XRCC4: variants seen among roughly 807,000 people sequenced by gnomAD.
XRCC4 encodes the protein DNA repair protein XRCC4.
XRCC4 carries 28 observed loss-of-function variants against 39.1 expected under a neutral mutation model. The observed-to-expected ratio is 0.72, with a 90% confidence interval of 0.53 to 0.98. The LOEUF (loss-of-function observed/expected upper bound fraction) is 0.98, where lower values mean the gene tolerates loss of function less well. Among genes scored for constraint, XRCC4 ranks in the 50% least tolerant of loss-of-function variants. The probability of loss-of-function intolerance (pLI) is 0.00; values close to 1 mark genes in which losing one functional copy is unlikely to be tolerated. For synonymous variants in XRCC4, 123 were observed against 126.4 expected, an observed-to-expected ratio of 0.97 and a Z score of 0.18; for missense variants, 350 against 376.4, an observed-to-expected ratio of 0.93 and a Z score of 0.58.
chr5:83,251,314 A>T (rs1353324740), intron 6 of XRCC4, among the ~76,000 whole-genome samples: 1 of 152,046 alleles, frequency 6.6e-6, no homozygotes, highest in Non-Finnish European at 1.5e-5. Context: ...TCACGACGTC[A>T]GCAGATCAAG....
intron 3 of XRCC4, among the ~76,000 whole-genome samples, chr5:83,140,118 A>G (rs1748094657): frequency 6.6e-6 from 1 of 152,228 alleles, no homozygotes; most frequent in Non-Finnish European, 1.5e-5. Flanking sequence ...CAGAACTAAT[A>G]GGATATATGT....
chr5:83,087,957 T>C (rs1745256696), intron 1 of XRCC4, among the ~76,000 whole-genome samples: 1 of 152,200 alleles, frequency 6.6e-6, no homozygotes, highest in Non-Finnish European at 1.5e-5. Flanking sequence ...TTTAATAATA[T>C]ACATTTCAAT....
At chr5:83,152,407 G>T (rs930101371) in intron 3 of XRCC4, among the ~76,000 whole-genome samples, 8 of 152,134 alleles carry the variant, frequency 5.3e-5, no homozygotes, top group Non-Finnish European at 1.0e-4. Flanking sequence ...GCCGAGGCGG[G>T]TGGATCACGA....
intron 7 of XRCC4, among the ~76,000 whole-genome samples, chr5:83,306,624 G>C (rs988838521): frequency 3.9e-5 from 6 of 152,206 alleles, no homozygotes; most frequent in Non-Finnish European, 7.3e-5. Context: ...ATTGTTGTTT[G>C]ATAATTTGCA....
intron 3 of XRCC4, among the ~76,000 whole-genome samples, chr5:83,181,431 A>T (rs970059602): frequency 6.6e-6 from 1 of 152,000 alleles, no homozygotes; most frequent in African/African-American, 2.4e-5. Flanking sequence ...CAGATGTATT[A>T]GTCTTCTCTC....
intron 3 of XRCC4, among the ~76,000 whole-genome samples, chr5:83,127,879 A>G (rs935671095): frequency 1.1e-5 from 1 of 88,544 alleles, no homozygotes; most frequent in Non-Finnish European, 2.3e-5. Context: ...TTCTAAGTTG[A>G]CTTTTTTTTT....
chr5:83,240,144 G>A lies in XRCC4; in HGVS notation c.746-18386G>A, dbSNP rs762038836. Among the ~76,000 whole-genome samples, 4 of 151,996 alleles carry A rather than the reference G, an allele frequency of 2.6e-5. No homozygotes were observed. The South Asian group carries it at 6.2e-4, about 24-fold the overall frequency. On this transcript the variant is annotated intron_variant, in intron 6 of 7. Transcript: ENST00000396027. Reference sequence around the variant, plus strand: ...AGCCATGATCTTGCCACTCCACTTCGGGCTGTGTGACAGAGTGAGACCCCG... The same window carrying A: ...AGCCATGATCTTGCCACTCCACTTCAGGCTGTGTGACAGAGTGAGACCCCG...
chr5:83,083,390 T>C (rs1054096466), intron 1 of XRCC4, among the ~76,000 whole-genome samples: 2 of 150,630 alleles, frequency 1.3e-5, no homozygotes, highest in Non-Finnish European at 3.0e-5. Context: ...TTTTTTTTTT[T>C]TTTTGAGATG....
At chr5:83,161,239 T>C (rs922018916) in intron 3 of XRCC4, among the ~76,000 whole-genome samples, 3 of 152,024 alleles carry the variant, frequency 2.0e-5, no homozygotes, top group African/African-American at 7.2e-5. Context: ...GCCTCCCAAG[T>C]AGCTGGGATT....
intron 6 of XRCC4, among the ~76,000 whole-genome samples, chr5:83,247,054 G>T (rs926781760): frequency 2.0e-5 from 3 of 152,168 alleles, no homozygotes; most frequent in Non-Finnish European, 4.4e-5. Context: ...AAAGGGAAGA[G>T]AAAATATTTT....
chr5:83,276,886 A>G (rs113358783), intron 7 of XRCC4, among the ~76,000 whole-genome samples: 1,565 of 152,208 alleles, frequency 0.01, 32 homozygotes, highest in African/African-American at 0.036. Flanking sequence ...ATCTTGTTAT[A>G]ATTTGTTGCT....
chr5:83,347,706 A>G lies in XRCC4; in HGVS notation c.894-5425A>G, dbSNP rs919034651. Among the ~76,000 whole-genome samples the G allele has an allele frequency of 6.6e-5, 10 of 152,102 alleles. No individual in the cohort carries two copies. The East Asian group carries it at 1.9e-3, about 29-fold the overall frequency. The stretch of plus-strand genomic sequence containing the variant: ...GGCCCCTCCCACATCCCCTTCTCAC[A>G]TTTCAAAACATGATCATGCATTGCC... On this transcript the variant is annotated intron_variant, in intron 7 of 7. Transcript: ENST00000396027.
chr5:83,128,617 A>G (rs1181536596), intron 3 of XRCC4, among the ~76,000 whole-genome samples: 2 of 152,168 alleles, frequency 1.3e-5, no homozygotes, highest in East Asian at 3.9e-4. Context: ...CTAATTCTCC[A>G]GATCTTCTCC....
intron 7 of XRCC4, among the ~76,000 whole-genome samples, chr5:83,277,778 T>C (rs1175574375): frequency 2.0e-5 from 3 of 152,266 alleles, no homozygotes; most frequent in Non-Finnish European, 4.4e-5. Flanking sequence ...CTAAATGTTA[T>C]AATCTGGAAG....
At chr5:83,266,335 G>A (rs981176697) in intron 7 of XRCC4, among the ~76,000 whole-genome samples, 1 of 149,768 alleles carries the variant, frequency 6.7e-6, no homozygotes, top group Admixed American at 6.8e-5. Flanking sequence ...GTTACTCAAT[G>A]TAAAGTAAGT....
chr5:83,156,772 C>T (rs1270026384), intron 3 of XRCC4, among the ~76,000 whole-genome samples: 1 of 152,022 alleles, frequency 6.6e-6, no homozygotes. Context: ...TTGGAAGATG[C>T]AGATGCATAA....
intron 3 of XRCC4, among the ~76,000 whole-genome samples, chr5:83,162,952 C>CTTTCTT (rs1554060107): frequency 2.8e-3 from 356 of 125,194 alleles, no homozygotes; most frequent in African/African-American, 0.01. Flanking sequence ...TTCTTTCTTT[C>CTTTCTT]TTTTTTTTTT....
intron 7 of XRCC4, among the ~76,000 whole-genome samples, chr5:83,305,832 T>C (rs1755464244): frequency 6.6e-6 from 1 of 152,098 alleles, no homozygotes; most frequent in African/African-American, 2.4e-5. Flanking sequence ...CATTCAAACA[T>C]AATCCATTAA....
chr5:83,337,894 A>C (rs1400953456), intron 7 of XRCC4, among the ~76,000 whole-genome samples: 1 of 152,150 alleles, frequency 6.6e-6, no homozygotes, highest in Non-Finnish European at 1.5e-5. Flanking sequence ...TCAACTTGGC[A>C]AGATGATGAC....
Sources: allele counts gnomAD v4.1 joint callset (sites outside exome capture counted in the v4.1 genomes callset), GRCh38; gene constraint gnomAD v4.1.1; transcripts MANE v1.5; gene names NCBI Gene and HGNC (gene_info 2026-07-23, HGNC 2026-07-21).